WDFY4: variants seen among roughly 807,000 people sequenced by gnomAD.
WDFY4 encodes WD repeat- and FYVE domain-containing protein 4.
Under a neutral mutation model 351.9 loss-of-function variants are expected in WDFY4, and 169 were observed. The ratio of observed to expected loss-of-function variants is 0.48; its 90% confidence interval spans 0.42 to 0.55. The LOEUF (loss-of-function observed/expected upper bound fraction) is 0.55, where lower values mean the gene tolerates loss of function less well. Ranked by LOEUF, WDFY4 falls within the 20% of genes least tolerant of loss-of-function variation. WDFY4 has a pLI of 0.00. For synonymous variants in WDFY4, 1,622 were observed against 1,574.6 expected (o/e 1.03, Z -0.71); for missense variants, 3,803 against 3,935.6 (o/e 0.97, Z 0.90).
At chr10:48,823,583 G>A in intron 35 of WDFY4, 1 of 1,063,786 alleles carries the variant, frequency 9.4e-7, no homozygotes, top group Non-Finnish European at 1.1e-6. Flanking sequence ...GGCTTCTTCA[G>A]GAACAACTCC....
At chr10:48,902,346 C>T (rs1011667961) in intron 47 of WDFY4, among the ~76,000 whole-genome samples, 1 of 152,172 alleles carries the variant, frequency 6.6e-6, no homozygotes, top group Non-Finnish European at 1.5e-5. Context: ...TGCAGTCCCC[C>T]CCGCCGCCGC....
chr10:48,736,382 T>C, intron 11 of WDFY4: 1 of 579,140 alleles, frequency 1.7e-6, no homozygotes, highest in South Asian at 2.2e-5. Context: ...GCATAAGGCA[T>C]TTTCATTCAG....
At chr10:48,823,842 C>T in intron 35 of WDFY4, 1 of 987,712 alleles carries the variant, frequency 1.0e-6, no homozygotes, top group Non-Finnish European at 1.2e-6. Flanking sequence ...CCCCTCTTAA[C>T]CTCTGTTTGA....
At chr10:48,930,435 C>A (rs552428695) in intron 47 of WDFY4, among the ~76,000 whole-genome samples, 3 of 152,188 alleles carry the variant, frequency 2.0e-5, no homozygotes, top group Non-Finnish European at 4.4e-5. Context: ...ACCATGAGAA[C>A]AAGTGCACTA....
At chr10:48,946,006 G>A (rs1841025455) in intron 49 of WDFY4, 34 bp from the exon 50 acceptor site, 3 of 1,446,548 alleles carry the variant, frequency 2.1e-6, no homozygotes, top group South Asian at 1.3e-5. Flanking sequence ...AGCGGGTCTG[G>A]GGAGTTAACT....
At chr10:48,767,330 C>T (rs11101467) in intron 13 of WDFY4, among the ~76,000 whole-genome samples, 6 of 152,252 alleles carry the variant, frequency 3.9e-5, no homozygotes, top group African/African-American at 1.2e-4. Flanking sequence ...TGGCTCCCCA[C>T]GCCTGCTCCC....
At chr10:48,733,007 C>T (rs957943936) in intron 9 of WDFY4, among the ~76,000 whole-genome samples, 1 of 152,218 alleles carries the variant, frequency 6.6e-6, no homozygotes, top group Admixed American at 6.5e-5. Context: ...GTCCTTAAAT[C>T]CCATCTTGAA....
chr10:48,788,472 G>T (rs1371829962), intron 20 of WDFY4, 58 bp from the exon 21 acceptor site: 2 of 1,516,194 alleles, frequency 1.3e-6, no homozygotes, highest in Non-Finnish European at 1.8e-6. Context: ...ATTGTATGAG[G>T]ATTAATTTCC....
At position 48,723,581 on chromosome 10, in the gene WDFY4, G is replaced by A. The variant is rs1271236619; in HGVS notation, c.591+14G>A. The stretch of plus-strand genomic sequence containing the variant: ...ATGTTCGTGCAGGTGAGTTCAAGGA[G>A]GGCCTCCAATTCCCTGGGTCAAAAC... On this transcript the variant is annotated intron_variant, in intron 5 of 61. Transcript: ENST00000325239. The A allele has an allele frequency of 1.9e-6, 3 of 1,551,498 alleles. No homozygotes were observed. The highest frequency in any genetic ancestry group is 1.2e-5 in the South Asian group (1 of 84,040).
intron 60 of WDFY4, among the ~76,000 whole-genome samples, 154 bp from the exon 61 acceptor site, chr10:48,981,213 G>A (rs763101087): frequency 6.6e-6 from 1 of 152,232 alleles, no homozygotes; most frequent in Non-Finnish European, 1.5e-5. Flanking sequence ...CAACAGCACA[G>A]GCCAAGATTA....
intron 13 of WDFY4, among the ~76,000 whole-genome samples, chr10:48,768,239 C>T (rs1225156599): frequency 6.6e-6 from 1 of 152,210 alleles, no homozygotes; most frequent in Non-Finnish European, 1.5e-5. Context: ...AGTGCTCGGT[C>T]TCCAGGCTTC....
chr10:48,821,715 A>G (rs1011820040), intron 34 of WDFY4, among the ~76,000 whole-genome samples: 1 of 152,216 alleles, frequency 6.6e-6, no homozygotes, highest in Non-Finnish European at 1.5e-5. Flanking sequence ...AATCCCTAGG[A>G]ACATGAGTCC....
chr10:48,967,291 A>C (rs1237270666), intron 55 of WDFY4: 3 of 152,200 alleles, frequency 2.0e-5, no homozygotes, highest in Non-Finnish European at 4.4e-5. Flanking sequence ...GCTACTACAG[A>C]TTTGTATTGA....
intron 31 of WDFY4, among the ~76,000 whole-genome samples, chr10:48,814,667 C>T (rs1438730191): frequency 6.6e-6 from 1 of 152,216 alleles, no homozygotes; most frequent in Non-Finnish European, 1.5e-5. Flanking sequence ...CTGACTTCAT[C>T]CTGTAGGCAC....
At chr10:48,838,258 A>G (rs564896872) in intron 39 of WDFY4, among the ~76,000 whole-genome samples, 14 of 151,934 alleles carry the variant, frequency 9.2e-5, no homozygotes, top group Non-Finnish European at 1.8e-4. Flanking sequence ...GGTCCCCTAA[A>G]GGCTGCCCTA....
intron 1 of WDFY4, among the ~76,000 whole-genome samples, chr10:48,697,860 T>C (rs1328204745): frequency 6.6e-6 from 1 of 152,212 alleles, no homozygotes; most frequent in Non-Finnish European, 1.5e-5. Flanking sequence ...CACATGACTT[T>C]AGGTGGCATC....
chr10:48,820,380 G>T lies in WDFY4; in HGVS notation c.5652G>T (p.Glu1884Asp). The T allele has an allele frequency of 1.3e-6, 2 of 1,551,620 alleles. No individual in the cohort carries two copies. Among genetic ancestry groups the T allele is most frequent in the Non-Finnish European group, 1.7e-6 (2 of 1,146,992 alleles). The change falls in exon 33 of 62, where the codon GAG becomes GAT. Residue 1884 changes from glutamate to aspartate, a missense_variant. Glu to Asp is a conservative substitution (Grantham distance 45). This residue lies in a region of WDFY4 where 3,054 missense variants were observed against 3,148.6 expected (regional missense o/e 0.97). Coordinates refer to ENST00000325239, the MANE Select transcript of WDFY4 (RefSeq NM_001394531.1). ...LREFTQLLLR[E>D]LLLGASSPKQ... ...AGTTCACGCAGCTCCTCTTGAGGGA[G>T]CTCCTGCTTGGAGCCTCCAGCCCCA... is the stretch of plus-strand genomic sequence containing the variant.
intron 20 of WDFY4, among the ~76,000 whole-genome samples, chr10:48,787,916 TTC>T (rs2066512126): frequency 1.4e-4 from 8 of 58,832 alleles, no homozygotes; most frequent in African/African-American, 6.6e-4. Flanking sequence ...CTTCTTCTTC[TTC>T]TTCTTCTTCT....
At chr10:48,951,343 G>T (rs973716060) in intron 51 of WDFY4, among the ~76,000 whole-genome samples, 6 of 152,180 alleles carry the variant, frequency 3.9e-5, no homozygotes, top group Non-Finnish European at 7.4e-5. Flanking sequence ...TTTCTTGGAG[G>T]TGTGAACTCG....
Sources: gnomAD v4.1 joint callset for allele counts (sites outside exome capture counted in the v4.1 genomes callset) on GRCh38, gnomAD v4.1.1 for gene constraint, gnomAD v4.1.1 regional missense constraint, MANE v1.5 for transcripts, NCBI Gene and HGNC (gene_info 2026-07-23, HGNC 2026-07-21) for gene names.